FKBP3: variants seen among roughly 807,000 people sequenced by gnomAD.
The protein encoded by FKBP3 is peptidyl-prolyl cis-trans isomerase FKBP3.
A neutral mutation model predicts 30.6 loss-of-function variants in FKBP3; 21 were observed. The ratio of observed to expected loss-of-function variants is 0.69; its 90% CI spans 0.49 to 0.99. The LOEUF (loss-of-function observed/expected upper bound fraction) is 0.99. Ranked by LOEUF, FKBP3 falls within the 50% of genes least tolerant of loss-of-function variation. The pLI is 0.00. For missense variants in FKBP3, 283 were observed against 261.6 expected, an observed-to-expected ratio of 1.08 and a Z score of -0.56; for synonymous variants, 82 against 91.3, an observed-to-expected ratio of 0.90 and a Z score of 0.58.
chr14:45,121,223 C>A (rs1391962618), intron 4 of FKBP3, among the ~76,000 whole-genome samples: 1 of 152,142 alleles, frequency 6.6e-6, no homozygotes, highest in Non-Finnish European at 1.5e-5. Flanking sequence ...CTTTTCTATT[C>A]AAATACTAAT....
At chr14:45,119,625 A>G (rs1884938245) in intron 5 of FKBP3, among the ~76,000 whole-genome samples, 1 of 152,098 alleles carries the variant, frequency 6.6e-6, no homozygotes, top group Admixed American at 6.5e-5. Context: ...AATAAGTTAC[A>G]GAAATAGAAA....
At chr14:45,127,593 G>A (rs1020045729) in intron 3 of FKBP3, among the ~76,000 whole-genome samples, 3 of 152,010 alleles carry the variant, frequency 2.0e-5, no homozygotes, top group Non-Finnish European at 4.4e-5. Context: ...TTGAAACTGA[G>A]TATATATTTT....
At chr14:45,120,854 A>G (rs1207772739) in intron 5 of FKBP3, 33 bp downstream of exon 5, 3 of 1,541,172 alleles carry the variant, frequency 1.9e-6, no homozygotes, top group South Asian at 2.2e-5. Flanking sequence ...ATATGCCAGA[A>G]TATCTACTGA....
In FKBP3 at chr14:45,119,888, G is replaced by C. The variant is rs1309168712; in HGVS notation, c.522+999C>G. On this transcript the variant is annotated intron_variant, in intron 5 of 6. Coordinates refer to ENST00000396062, the MANE Select transcript of FKBP3 (RefSeq NM_002013.4). ...ATTTTTAGTAGAGACGGGTTTCACA[G>C]TGTTAGCCAGTATGGTCTCGATCTC... Among the ~76,000 whole-genome samples, 3 of 151,996 alleles carry C rather than the reference G, an allele frequency of 2.0e-5. No individual in the cohort carries two copies. The East Asian group carries it at 5.9e-4, about 30-fold the overall frequency.
At chr14:45,128,300 G>A (rs1351361121) in intron 3 of FKBP3, among the ~76,000 whole-genome samples, 1 of 152,186 alleles carries the variant, frequency 6.6e-6, no homozygotes, top group Non-Finnish European at 1.5e-5. Flanking sequence ...TGGCACCACT[G>A]CACTCCAGCC....
intron 5 of FKBP3, among the ~76,000 whole-genome samples, chr14:45,118,490 G>T (rs1210410824): frequency 2.0e-5 from 3 of 151,956 alleles, no homozygotes; most frequent in Non-Finnish European, 4.4e-5. Context: ...AATTAGCTGG[G>T]TGCGGTGGTG....
intron 3 of FKBP3, among the ~76,000 whole-genome samples, chr14:45,125,503 T>G (rs1276835079): frequency 2.0e-5 from 3 of 152,246 alleles, no homozygotes; most frequent in African/African-American, 7.2e-5. Context: ...AAGTGTGAGT[T>G]TCTGTCGTAA....
intron 3 of FKBP3, among the ~76,000 whole-genome samples, chr14:45,123,201 T>G (rs923984361): frequency 1.3e-5 from 2 of 149,504 alleles, no homozygotes; most frequent in African/African-American, 4.9e-5. Context: ...AAAAAAAGTC[T>G]GATCTCCTTG....
rs367549180 is a variant in FKBP3 at position 45,130,340 on chromosome 14, T to G, written c.210+359A>C. Reference sequence around the variant, plus strand: ...TCATTAGTGAAATGGAAACTTATTTTCAATATAACATTTAACATATATAAT... The same window carrying G: ...TCATTAGTGAAATGGAAACTTATTTGCAATATAACATTTAACATATATAAT... On this transcript the variant is annotated intron_variant, in intron 2 of 6. Transcript: ENST00000396062. 6.6e-5 allele frequency among the ~76,000 whole-genome samples: 10 copies of G among 152,340 alleles called. No homozygotes were observed. The East Asian group carries it at 1.3e-3, about 21-fold the overall frequency.
At chr14:45,119,117 C>T (rs1239958734) in intron 5 of FKBP3, among the ~76,000 whole-genome samples, 1 of 152,190 alleles carries the variant, frequency 6.6e-6, no homozygotes, top group African/African-American at 2.4e-5. Context: ...TTGGCCTCTC[C>T]ATATTTTCCA....
rs962736908 is a variant in FKBP3 at position 45,124,555 on chromosome 14, A to ATT, written c.319-2937_319-2936dup. Among the ~76,000 whole-genome samples the ATT allele has an allele frequency of 1.0e-4, 15 of 150,186 alleles. 1 individual carries two copies. Among genetic ancestry groups the ATT allele is most frequent in the East Asian group, 3.9e-4 (2 of 5,126 alleles). ...CTTAAAAAAAAAATTATATATATAT[A>ATT]TTTTTTTTTCTTTTTTTAAGAGACA... On this transcript the variant is annotated intron_variant, in intron 3 of 6. Coordinates refer to ENST00000396062, the MANE Select transcript of FKBP3 (RefSeq NM_002013.4).
At chr14:45,131,653 A>AAAAAAAAAC (rs1885218251) in intron 1 of FKBP3, among the ~76,000 whole-genome samples, 1 of 150,852 alleles carries the variant, frequency 6.6e-6, no homozygotes, top group Non-Finnish European at 1.5e-5. Flanking sequence ...AAAAAAAAAA[A>AAAAAAAAAC]TCCTAGCTGT....
intron 5 of FKBP3, 147 bp downstream of exon 5, chr14:45,120,740 G>C (rs919261128): frequency 3.1e-6 from 2 of 640,452 alleles, no homozygotes; most frequent in Non-Finnish European, 5.5e-6. Flanking sequence ...ACTTGTGCAA[G>C]ATCAGCTAAC....
intron 5 of FKBP3, among the ~76,000 whole-genome samples, chr14:45,119,737 G>C (rs1216679109): frequency 2.7e-5 from 4 of 150,364 alleles, no homozygotes; most frequent in Non-Finnish European, 5.9e-5. Flanking sequence ...GCCCAGGCTG[G>C]AGTGCAGTGG....
chr14:45,134,019 T>C (rs1388314260), intron 1 of FKBP3, among the ~76,000 whole-genome samples: 1 of 152,156 alleles, frequency 6.6e-6, no homozygotes, highest in African/African-American at 2.4e-5. Flanking sequence ...CACACCACTA[T>C]TCCTCGGCCT....
chr14:45,134,040 G>T (rs1169071867), intron 1 of FKBP3, among the ~76,000 whole-genome samples: 1 of 152,134 alleles, frequency 6.6e-6, no homozygotes, highest in African/African-American at 2.4e-5. Context: ...CTCCGCCCTA[G>T]CCCCCAATAT....
chr14:45,127,642 C>G (rs917679238), intron 3 of FKBP3, among the ~76,000 whole-genome samples: 1 of 152,128 alleles, frequency 6.6e-6, no homozygotes, highest in Admixed American at 6.5e-5. Context: ...AGCTAAAGCA[C>G]TCTGTAGCCA....
chr14:45,119,350 C>T (rs973583351), intron 5 of FKBP3, among the ~76,000 whole-genome samples: 5 of 151,938 alleles, frequency 3.3e-5, no homozygotes, highest in East Asian at 1.9e-4. Context: ...ATGAAGAGGG[C>T]GATCACTTGA....
intron 3 of FKBP3, among the ~76,000 whole-genome samples, chr14:45,129,540 G>A (rs900067232): frequency 1.3e-5 from 2 of 152,222 alleles, no homozygotes; most frequent in Non-Finnish European, 2.9e-5. Flanking sequence ...GGTCTGGACA[G>A]ATGTGGAGGC....
Sources: allele counts gnomAD v4.1 joint callset (sites outside exome capture counted in the v4.1 genomes callset), GRCh38; gene constraint gnomAD v4.1.1; transcripts MANE v1.5; gene names NCBI Gene and HGNC (gene_info 2026-07-23, HGNC 2026-07-21).